Variants in COL21A1 observed in about 807,000 individuals in gnomAD.
COL21A1 encodes collagen type XXI alpha 1 chain.
Under a neutral mutation model 137.9 loss-of-function variants are expected in COL21A1, and 149 were observed. That is an observed-to-expected ratio of 1.08 (90% confidence interval 0.95 to 1.24). The LOEUF is 1.24. Ranked by LOEUF, COL21A1 falls within the 50% of genes most tolerant of loss-of-function variation. The probability of loss-of-function intolerance (pLI) is 0.00; values close to 1 mark genes in which losing one functional copy is unlikely to be tolerated. For missense variants in COL21A1, 1,167 were observed against 1,158.4 expected (o/e 1.01, Z -0.11); for synonymous variants, 456 against 391.5 (o/e 1.16, Z -1.95).
chr6:56,134,537 G>A (rs1773832264), intron 12 of COL21A1, among the ~76,000 whole-genome samples: 1 of 152,310 alleles, frequency 6.6e-6, no homozygotes, highest in South Asian at 2.1e-4. Flanking sequence ...TGTTGGGAAG[G>A]CATGATTGGT....
At position 56,195,073 on chromosome 6, in the gene COL21A1, C is replaced by T. The variant is rs1428843232; in HGVS notation, c.-38-12417G>A. 2.0e-5 allele frequency among the ~76,000 whole-genome samples: 3 copies of T among 152,194 alleles called. No homozygotes were observed. In the East Asian group the frequency reaches 5.8e-4, roughly 29 times the overall value. On this transcript the variant is annotated intron_variant, in intron 1 of 29. Transcript: ENST00000244728. ...CAGTCCCCTCACCATGTGATGCCCT[C>T]TGCGGGCTTGTGACTCTGCAGAGAG...
At chr6:56,359,375 T>C (rs1327345581) in intron 1 of COL21A1, among the ~76,000 whole-genome samples, 1 of 152,182 alleles carries the variant, frequency 6.6e-6, no homozygotes, top group East Asian at 1.9e-4. Flanking sequence ...AAATGAACTA[T>C]GACTAAAACA....
At chr6:56,260,688 G>T (rs868307815) in intron 1 of COL21A1, among the ~76,000 whole-genome samples, 112 of 115,038 alleles carry the variant, frequency 9.7e-4, no homozygotes, top group Middle Eastern at 4.3e-3. Flanking sequence ...AGGAAGGAAG[G>T]AAGGCAGGCA....
intron 16 of COL21A1, among the ~76,000 whole-genome samples, chr6:56,104,076 G>A (rs2841005): frequency 0.025 from 3,824 of 152,182 alleles, 168 homozygotes; most frequent in African/African-American, 0.088. Flanking sequence ...TTGTTCAGCA[G>A]GTGTCTTGTT....
chr6:56,222,663 T>C (rs1048865883), intron 1 of COL21A1, among the ~76,000 whole-genome samples: 1 of 152,100 alleles, frequency 6.6e-6, no homozygotes, highest in Admixed American at 6.6e-5. Context: ...TGGTTACATT[T>C]AAGGTTCAGA....
chr6:56,152,636 C>T (rs974677144), intron 10 of COL21A1, among the ~76,000 whole-genome samples: 12 of 151,988 alleles, frequency 7.9e-5, no homozygotes, highest in African/African-American at 2.9e-4. Context: ...TTATATCAGG[C>T]TAACAATAAT....
Position 56,167,000 on chromosome 6 carries a change from A to G in COL21A1, c.1201-17T>C. 8 of 1,595,818 alleles carry G rather than the reference A, an allele frequency of 5.0e-6. No homozygotes were observed. Among genetic ancestry groups the G allele is most frequent in the Non-Finnish European group, 6.9e-6 (8 of 1,167,470 alleles). ...GACATCAAACTAAGAACATAAACCC[A>G]GTAGAATTAAAGTTGAGGCACAAGC... On this transcript the variant is annotated splice_polypyrimidine_tract_variant and intron_variant, in intron 6 of 29. Coordinates refer to ENST00000244728, the MANE Select transcript of COL21A1 (RefSeq NM_030820.4).
intron 1 of COL21A1, among the ~76,000 whole-genome samples, chr6:56,314,127 G>A (rs1218194703): frequency 6.6e-6 from 1 of 152,094 alleles, no homozygotes; most frequent in East Asian, 1.9e-4. Flanking sequence ...TGGGACTACA[G>A]GCACGCACCA....
At chr6:56,385,546 G>C (rs1479182517) in intron 1 of COL21A1, among the ~76,000 whole-genome samples, 2 of 151,700 alleles carry the variant, frequency 1.3e-5, no homozygotes, top group Non-Finnish European at 2.9e-5. Flanking sequence ...CACTTTTTCT[G>C]ACATTTTTAA....
chr6:56,166,200 T>C (rs1043032218), intron 7 of COL21A1, among the ~76,000 whole-genome samples: 4 of 151,876 alleles, frequency 2.6e-5, no homozygotes, highest in African/African-American at 9.7e-5. Context: ...ACATGTTTAA[T>C]GTACATTATT....
At chr6:56,326,588 C>A (rs1765096773) in intron 1 of COL21A1, among the ~76,000 whole-genome samples, 1 of 151,902 alleles carries the variant, frequency 6.6e-6, no homozygotes, top group Non-Finnish European at 1.5e-5. Flanking sequence ...TGTGAGATAG[C>A]ATGACAAATC....
At chr6:56,181,876 G>T (rs1192342628) in intron 2 of COL21A1, among the ~76,000 whole-genome samples, 1 of 152,128 alleles carries the variant, frequency 6.6e-6, no homozygotes, top group Non-Finnish European at 1.5e-5. Context: ...TACAGTGATT[G>T]CATGAATTAA....
chr6:56,177,813 A>AAG (rs1777607496), intron 3 of COL21A1, among the ~76,000 whole-genome samples: 2 of 150,494 alleles, frequency 1.3e-5, no homozygotes, highest in African/African-American at 2.4e-5. Flanking sequence ...AAAAAAAAAA[A>AAG]GTCGAGTGCA....
chr6:56,290,879 A>C (rs1305990108), intron 1 of COL21A1, among the ~76,000 whole-genome samples: 2 of 152,324 alleles, frequency 1.3e-5, no homozygotes, highest in East Asian at 3.9e-4. Context: ...ACTTGAGGTG[A>C]CATATGGCCA....
Position 56,061,019 on chromosome 6 carries a change from G to T in COL21A1, c.2224C>A (p.Pro742Thr), listed in dbSNP as rs1765755129. 1.3e-6 allele frequency: 2 copies of T among 1,598,328 alleles called. No individual in the cohort carries two copies. Among genetic ancestry groups the T allele is most frequent in the Admixed American group, 1.8e-5 (1 of 55,264 alleles). The change falls in exon 26 of 30, where the codon CCT becomes ACT. Residue 742 changes from proline to threonine, a missense_variant. Coordinates refer to ENST00000244728, the MANE Select transcript of COL21A1 (RefSeq NM_030820.4). ...GATCCAATGGCACCTCGGACACCAG[G>T]TTCTCCCTTTTCACCTCTCTAAAAG... ...AKGERGEKGE[P>T]GVRGAIGSKG...
chr6:56,071,118 TAC>T (rs527490179), intron 20 of COL21A1, among the ~76,000 whole-genome samples: 2 of 151,498 alleles, frequency 1.3e-5, no homozygotes, highest in Non-Finnish European at 3.0e-5. Flanking sequence ...GGGAGACATG[TAC>T]TTTAACAGCA....
At chr6:56,300,630 C>T (rs1764257755) in intron 1 of COL21A1, among the ~76,000 whole-genome samples, 1 of 152,086 alleles carries the variant, frequency 6.6e-6, no homozygotes, top group Non-Finnish European at 1.5e-5. Flanking sequence ...TGTCAATCTA[C>T]CATTATTTGT....
chr6:56,227,704 A>G (rs1176909497), intron 1 of COL21A1, among the ~76,000 whole-genome samples: 2 of 152,078 alleles, frequency 1.3e-5, no homozygotes, highest in African/African-American at 2.4e-5. Context: ...GGCAATGTAC[A>G]AAGCACTGAG....
At chr6:56,261,151 C>T (rs1048010767) in intron 1 of COL21A1, among the ~76,000 whole-genome samples, 4 of 151,742 alleles carry the variant, frequency 2.6e-5, no homozygotes, top group East Asian at 1.9e-4. Context: ...GTTCTCATGC[C>T]CCACCCTCTC....
Sources: gnomAD v4.1 joint callset for allele counts (sites outside exome capture counted in the v4.1 genomes callset) on GRCh38, gnomAD v4.1.1 for gene constraint, MANE v1.5 for transcripts, NCBI Gene and HGNC (gene_info 2026-07-23, HGNC 2026-07-21) for gene names.